GADL1: variants seen among roughly 807,000 people sequenced by gnomAD.
GADL1 encodes acidic amino acid decarboxylase GADL1.
A neutral mutation model predicts 69.5 loss-of-function variants in GADL1; 71 were observed. That is an observed-to-expected ratio of 1.02 (90% CI 0.84 to 1.25). The LOEUF is 1.25. Ranked by LOEUF, GADL1 falls within the 50% of genes most tolerant of loss-of-function variation. GADL1 has a pLI of 0.00. For missense variants in GADL1, 737 were observed against 631.8 expected, an observed-to-expected ratio of 1.17 and a Z score of -1.79; for synonymous variants, 254 against 214.4, an observed-to-expected ratio of 1.18 and a Z score of -1.62.
At chr3:30,754,623 C>A (rs1456658446) in intron 14 of GADL1, among the ~76,000 whole-genome samples, 3 of 107,274 alleles carry the variant, frequency 2.8e-5, no homozygotes, top group Non-Finnish European at 5.1e-5. Context: ...TGTAAATGAG[C>A]CAAGAATACA....
intron 11 of GADL1, among the ~76,000 whole-genome samples, chr3:30,821,506 T>C (rs1186108793): frequency 6.6e-6 from 1 of 150,448 alleles, no homozygotes; most frequent in African/African-American, 2.5e-5. Context: ...TGGAAGTTCA[T>C]CTCTACTTTT....
intron 14 of GADL1, among the ~76,000 whole-genome samples, chr3:30,764,266 TAAG>T (rs1013004459): frequency 3.3e-5 from 5 of 152,152 alleles, no homozygotes; most frequent in African/African-American, 9.7e-5. Context: ...CTCAAATTTG[TAAG>T]AAGATACACA....
intron 6 of GADL1, among the ~76,000 whole-genome samples, chr3:30,847,592 C>T (rs1436154651): frequency 6.6e-6 from 1 of 152,174 alleles, no homozygotes; most frequent in Admixed American, 6.5e-5. Flanking sequence ...TATAACCTGA[C>T]TCTTTGAGTA....
intron 14 of GADL1, among the ~76,000 whole-genome samples, chr3:30,736,690 T>C (rs541065610): frequency 6.6e-6 from 1 of 152,318 alleles, no homozygotes; most frequent in Admixed American, 6.5e-5. Context: ...AATTAAATAT[T>C]GCAACTCATG....
At chr3:30,883,940 A>G (rs1371520021) in intron 1 of GADL1, among the ~76,000 whole-genome samples, 1 of 152,028 alleles carries the variant, frequency 6.6e-6, no homozygotes, top group Non-Finnish European at 1.5e-5. Flanking sequence ...TTGGCTTTTT[A>G]AGAGATTAGC....
intron 12 of GADL1, chr3:30,798,073 C>T (rs368159888): frequency 3.3e-5 from 5 of 152,132 alleles, no homozygotes; most frequent in Admixed American, 3.3e-4. Flanking sequence ...GGCAAGTAAA[C>T]ATGGTGCTTC....
intron 13 of GADL1, among the ~76,000 whole-genome samples, chr3:30,785,020 T>G (rs1308595921): frequency 2.6e-5 from 4 of 152,232 alleles, no homozygotes; most frequent in Non-Finnish European, 4.4e-5. Flanking sequence ...TTGCTGTTTA[T>G]CTTTATTCAG....
rs777859311 is a variant in GADL1 at position 30,829,000 on chromosome 3, TA to T, written c.1050+4852del. ...CATACCTGTTGAGTTTTTTTTAAAC[TA>T]AAAAATCTGTCTCATAAACACTAAA... On this transcript the variant is annotated intron_variant, in intron 11 of 14. Coordinates refer to ENST00000282538, the MANE Select transcript of GADL1 (RefSeq NM_207359.3). Among the ~76,000 whole-genome samples the T allele has an allele frequency of 5.3e-5, 8 of 152,028 alleles. No individual in the cohort carries two copies. The South Asian group carries it at 8.3e-4, about 16-fold the overall frequency.
chr3:30,731,296 ATGCTCTT>A (rs1240598670), intron 14 of GADL1, among the ~76,000 whole-genome samples: 1 of 152,236 alleles, frequency 6.6e-6, no homozygotes, highest in East Asian at 1.9e-4. Flanking sequence ...TAAAACAGGC[ATGCTCTT>A]GGCTCAGGCC....
chr3:30,814,065 T>C (rs1471099039), intron 11 of GADL1, among the ~76,000 whole-genome samples: 1 of 152,086 alleles, frequency 6.6e-6, no homozygotes, highest in Non-Finnish European at 1.5e-5. Flanking sequence ...TGCTTACTAC[T>C]TGATTAACAA....
chr3:30,880,401 C>T (rs1383972128), intron 1 of GADL1, among the ~76,000 whole-genome samples: 1 of 151,780 alleles, frequency 6.6e-6, no homozygotes, highest in Non-Finnish European at 1.5e-5. Flanking sequence ...TTAATTGAAT[C>T]ATGGGAGTGG....
intron 11 of GADL1, among the ~76,000 whole-genome samples, chr3:30,808,103 G>C (rs1235864272): frequency 1.3e-5 from 2 of 152,144 alleles, no homozygotes; most frequent in East Asian, 3.9e-4. Flanking sequence ...AGTGTATTAG[G>C]TTGGGCCATG....
Position 30,844,491 on chromosome 3 carries a change from A to AGG in GADL1, c.652-27_652-26dup, listed in dbSNP as rs755587415. ...ACTGAATTCAAAGGGACAGTGGGGA[A>AGG]GGGGGAGACATGAAAACATAGCACA... On this transcript the variant is annotated intron_variant, in intron 6 of 14. Transcript: ENST00000282538. The AGG allele has an allele frequency of 7.6e-6, 11 of 1,443,330 alleles. No homozygotes were observed. In the East Asian group the frequency reaches 2.0e-4, roughly 27 times the overall value. 89.4% of individuals were successfully genotyped at this position (1,443,330 alleles called of 1,614,324 possible).
intron 1 of GADL1, among the ~76,000 whole-genome samples, chr3:30,862,281 A>G (rs1412637651): frequency 6.6e-6 from 1 of 151,990 alleles, no homozygotes; most frequent in Non-Finnish European, 1.5e-5. Flanking sequence ...ACCACAGGAG[A>G]GTTCGAGATG....
chr3:30,809,430 C>T (rs754269297), intron 11 of GADL1, among the ~76,000 whole-genome samples: 1 of 152,164 alleles, frequency 6.6e-6, no homozygotes, highest in East Asian at 1.9e-4. Flanking sequence ...GAGGCTAATT[C>T]AAGAGGCAGA....
chr3:30,812,927 AGAAG>A (rs1211206337), intron 11 of GADL1, among the ~76,000 whole-genome samples: 2 of 151,924 alleles, frequency 1.3e-5, no homozygotes, highest in Non-Finnish European at 2.9e-5. Context: ...GGGGAAGAAG[AGAAG>A]GAAGGGGAAA....
At chr3:30,812,020 A>C (rs887816470) in intron 11 of GADL1, among the ~76,000 whole-genome samples, 1 of 152,232 alleles carries the variant, frequency 6.6e-6, no homozygotes, top group Admixed American at 6.5e-5. Context: ...TTGGGACTAC[A>C]GAAGTCTGAA....
chr3:30,842,624 C>T (rs1697986214), intron 8 of GADL1, among the ~76,000 whole-genome samples: 1 of 151,914 alleles, frequency 6.6e-6, no homozygotes, highest in South Asian at 2.1e-4. Context: ...TCCCCACCAA[C>T]AAGCATTAAC....
intron 12 of GADL1, among the ~76,000 whole-genome samples, chr3:30,786,850 C>G (rs1010496434): frequency 7.9e-5 from 12 of 152,110 alleles, no homozygotes; most frequent in Admixed American, 6.5e-4. Context: ...CAAGAAAGAT[C>G]AACATAATCT....
Sources: gnomAD v4.1 joint callset for allele counts (sites outside exome capture counted in the v4.1 genomes callset) on GRCh38, gnomAD v4.1.1 for gene constraint, MANE v1.5 for transcripts, NCBI Gene and HGNC (gene_info 2026-07-23, HGNC 2026-07-21) for gene names.